Variants in MTFR1 observed in about 807,000 individuals in gnomAD.
MTFR1 encodes mitochondrial fission regulator 1.
A neutral mutation model predicts 38.8 loss-of-function variants in MTFR1; 28 were observed. The ratio of observed to expected loss-of-function variants is 0.72; its 90% confidence interval spans 0.53 to 0.99. The LOEUF is 0.99. MTFR1 is among the 50% of genes least tolerant of loss of function. The pLI is 0.00. For synonymous variants in MTFR1, 145 were observed against 137.0 expected (o/e 1.06, Z -0.41); for missense variants, 358 against 395.5 (o/e 0.91, Z 0.81).
At chr8:65,654,622 G>T (rs1167108308) in intron 1 of MTFR1, among the ~76,000 whole-genome samples, 1 of 152,138 alleles carries the variant, frequency 6.6e-6, no homozygotes, top group African/African-American at 2.4e-5. Flanking sequence ...CTGTTACCCA[G>T]AGTGGAGTAC....
intron 4 of MTFR1, among the ~76,000 whole-genome samples, chr8:65,703,062 A>AGTTAACTGTTAAACG (rs1805662316): frequency 6.6e-6 from 1 of 152,070 alleles, no homozygotes; most frequent in East Asian, 1.9e-4. Context: ...AAGAAACATC[A>AGTTAACTGTTAAACG]GTTAACTGTT....
chr8:65,672,392 T>C (rs919450570), intron 2 of MTFR1, among the ~76,000 whole-genome samples: 2 of 152,234 alleles, frequency 1.3e-5, no homozygotes, highest in African/African-American at 4.8e-5. Context: ...CTTTCTTAGC[T>C]CTACCTTTCA....
rs1186850934 is a variant in MTFR1 at position 65,710,553 on chromosome 8, T to C, written c.*1509T>C. The stretch of plus-strand genomic sequence containing the variant: ...AAATAAAGCAAACTAACTGTTTTAT[T>C]TTCCTTGGACCATAGTGCTTCCATT... On this transcript the variant is annotated 3_prime_UTR_variant, in exon 8 of 8. Coordinates refer to ENST00000262146, the MANE Select transcript of MTFR1 (RefSeq NM_014637.4). 1 of 152,594 alleles carries C rather than the reference T, an allele frequency of 6.6e-6. No homozygotes were observed. Among genetic ancestry groups the C allele is most frequent in the Non-Finnish European group, 1.5e-5 (1 of 68,026 alleles). 9.5% of individuals were successfully genotyped at this position (152,594 alleles called of 1,614,324 possible). A position where few individuals can be genotyped will look rare whatever the true frequency, so the allele number is the denominator to read the frequency against.
chr8:65,716,333 C>T (rs1048341836), intron 2 of MTFR1, among the ~76,000 whole-genome samples: 4 of 152,088 alleles, frequency 2.6e-5, no homozygotes, highest in African/African-American at 4.8e-5. Context: ...TGGATCAGAG[C>T]AGAAGCAATC....
chr8:65,721,236 G>T (rs781001168), intron 3 of MTFR1, among the ~76,000 whole-genome samples: 1 of 152,094 alleles, frequency 6.6e-6, no homozygotes, highest in African/African-American at 2.4e-5. Context: ...TTCACAGGAC[G>T]CCTTGTCAAA....
At position 65,707,032 on chromosome 8, in the gene MTFR1, T is replaced by G. The variant is rs1416662159; in HGVS notation, c.540T>G (p.Phe180Leu). Residue 180 changes from phenylalanine (F) to leucine (L), a missense_variant, in exon 6 of 8, where the codon TTT becomes TTG. Coordinates refer to ENST00000262146, the MANE Select transcript of MTFR1 (RefSeq NM_014637.4). The part of the protein sequence containing the change: ...LTAGDLDSTT[F>L]GTIPPHPPPP... ...TAGGTGACTTAGATTCTACCACATT[T>G]GGTACCATACCACCACACCCTCCAC... 1 of 1,609,430 alleles carries G rather than the reference T, an allele frequency of 6.2e-7. No individual in the cohort carries two copies. The highest frequency in any genetic ancestry group is 1.3e-5 in the African/African-American group (1 of 74,598).
At chr8:65,710,854 G>GTTCT (rs1805923083), downstream of MTFR1, among the ~76,000 whole-genome samples, 2 of 152,214 alleles carry the variant, frequency 1.3e-5, no homozygotes, top group Non-Finnish European at 1.5e-5. Flanking sequence ...TCAGTTTCTA[G>GTTCT]TTCTTTCACC....
At chr8:65,778,192 T>C in the MTFR1 span, among the ~76,000 whole-genome samples, 1 of 152,166 alleles carries the variant, frequency 6.6e-6, no homozygotes, top group Non-Finnish European at 1.5e-5. Context: ...GGAAATGCGA[T>C]GTTATGCCAG....
At chr8:65,654,806 G>A (rs868734157) in intron 1 of MTFR1, among the ~76,000 whole-genome samples, 1 of 152,066 alleles carries the variant, frequency 6.6e-6, no homozygotes, top group Non-Finnish European at 1.5e-5. Context: ...TTGAACTACT[G>A]GCTCAAATAG....
chr8:65,714,068 C>T (rs72666533), downstream of MTFR1, among the ~76,000 whole-genome samples: 1 of 150,812 alleles, frequency 6.6e-6, no homozygotes, highest in Non-Finnish European at 1.5e-5. Context: ...TTCTCCTAAA[C>T]AACCCAACAC....
chr8:65,727,330 A>T, intron 3 of MTFR1: 3 of 1,612,090 alleles, frequency 1.9e-6, no homozygotes, highest in African/African-American at 1.3e-5. Context: ...ATAATGAATC[A>T]CAGATATATC....
intron 3 of MTFR1, among the ~76,000 whole-genome samples, chr8:65,753,489 T>C (rs770505244): frequency 6.6e-6 from 1 of 152,206 alleles, no homozygotes; most frequent in East Asian, 1.9e-4. Context: ...TAATTAGCTT[T>C]GTACTTCAGG....
intron 3 of MTFR1, among the ~76,000 whole-genome samples, chr8:65,729,840 A>T (rs1454523725): frequency 6.6e-6 from 1 of 152,022 alleles, no homozygotes; most frequent in Non-Finnish European, 1.5e-5. Context: ...AAGTGCTGGA[A>T]TCACAGGCAT....
At chr8:65,748,837 G>A (rs541300185) in intron 3 of MTFR1, among the ~76,000 whole-genome samples, 7 of 152,298 alleles carry the variant, frequency 4.6e-5, no homozygotes, top group Admixed American at 1.3e-4. Flanking sequence ...GACACAGCAG[G>A]TGTTAAATAG....
chr8:65,663,822 C>CTTT (rs1035579864), intron 1 of MTFR1, among the ~76,000 whole-genome samples: 15 of 78,570 alleles, frequency 1.9e-4, no homozygotes, highest in East Asian at 3.9e-4. Context: ...AATTTCTTTT[C>CTTT]TTTTTTTTTT....
chr8:65,703,428 T>TTTTG (rs1805679368), intron 4 of MTFR1, among the ~76,000 whole-genome samples: 1 of 118,276 alleles, frequency 8.5e-6, no homozygotes. Flanking sequence ...GGTTTTTTTT[T>TTTTG]TTTTTTTTTT....
At chr8:65,747,219 A>C in intron 3 of MTFR1, among the ~76,000 whole-genome samples, 1 of 152,206 alleles carries the variant, frequency 6.6e-6, no homozygotes, top group Non-Finnish European at 1.5e-5. Flanking sequence ...AAAGAGAGAG[A>C]GACCTAACTT....
At chr8:65,727,356 G>A (rs1407068121) in intron 3 of MTFR1, 6 of 1,600,346 alleles carry the variant, frequency 3.7e-6, no homozygotes, top group South Asian at 3.4e-5. Context: ...TAAGCTCTAC[G>A]CCATCACAGT....
chr8:65,727,172 T>G (rs1806645661), intron 3 of MTFR1: 1 of 1,554,348 alleles, frequency 6.4e-7, no homozygotes, highest in African/African-American at 1.4e-5. Context: ...GCACTAACCT[T>G]GTATAAAGTT....
Sources: allele counts gnomAD v4.1 joint callset (sites outside exome capture counted in the v4.1 genomes callset), GRCh38; gene constraint gnomAD v4.1.1; transcripts MANE v1.5; gene names NCBI Gene and HGNC (gene_info 2026-07-23, HGNC 2026-07-21).